Variants in RBFOX1 observed in about 807,000 individuals in gnomAD.
RBFOX1 encodes RNA binding fox-1 homolog 1.
RBFOX1 carries 8 observed loss-of-function variants against 57.7 expected under a neutral mutation model. That is an observed-to-expected ratio of 0.14 (90% CI 0.08 to 0.25). RBFOX1 has a LOEUF of 0.25. Ranked by LOEUF, RBFOX1 falls within the 10% of genes least tolerant of loss-of-function variation. The pLI, the probability that RBFOX1 is intolerant of heterozygous loss-of-function variation, is 1.00. For missense variants in RBFOX1, 611 were observed against 548.5 expected, an observed-to-expected ratio of 1.11 and a Z score of -1.14; for synonymous variants, 326 against 222.4, an observed-to-expected ratio of 1.47 and a Z score of -4.15.
chr16:6,532,597 G>A (rs529829251), intron 2 of RBFOX1, among the ~76,000 whole-genome samples: 8 of 152,214 alleles, frequency 5.3e-5, no homozygotes, highest in Admixed American at 2.0e-4. Flanking sequence ...CCTGCAGAGC[G>A]GTAGTCCAGT....
chr16:6,521,486 C>T (rs1241200632), intron 2 of RBFOX1, among the ~76,000 whole-genome samples: 1 of 146,864 alleles, frequency 6.8e-6, no homozygotes, highest in Non-Finnish European at 1.5e-5. Flanking sequence ...TTCCTCTCCC[C>T]TCTCCTCCCG....
intron 3 of RBFOX1, among the ~76,000 whole-genome samples, chr16:6,955,682 T>TATGA (rs1416577476): frequency 9.5e-6 from 1 of 105,420 alleles, no homozygotes; most frequent in Non-Finnish European, 2.3e-5. Context: ...TTTATTTAGG[T>TATGA]ATGTATGTAT....
intron 3 of RBFOX1, among the ~76,000 whole-genome samples, chr16:6,884,322 C>G (rs1184924809): frequency 1.3e-5 from 2 of 152,132 alleles, no homozygotes; most frequent in Admixed American, 6.5e-5. Flanking sequence ...CTTGCTTAAC[C>G]AGGGCTGGGG....
chr16:7,133,006 AAAAT>A (rs775963205), intron 4 of RBFOX1, among the ~76,000 whole-genome samples: 67 of 152,312 alleles, frequency 4.4e-4, no homozygotes, highest in Admixed American at 9.8e-4. Context: ...AATAAACCAG[AAAAT>A]AAATAAATAA....
rs149689998 is a variant in RBFOX1, at chr16:6,831,029, C to A, written c.-16+176379C>A. On this transcript the variant is annotated intron_variant, in intron 3 of 15. Transcript: ENST00000550418. Reference sequence around the variant, plus strand: ...CGGATTTACCATCTAAGCCTTTTCCCAATTGATCTCACTCTTTTTGCTCTA... The same window carrying A: ...CGGATTTACCATCTAAGCCTTTTCCAAATTGATCTCACTCTTTTTGCTCTA... Among the ~76,000 whole-genome samples the A allele has an allele frequency of 2.8e-3, 427 of 152,316 alleles. 2 individuals are homozygous for A. Among genetic ancestry groups the A allele is most frequent in the African/African-American group, 1.0e-2 (414 of 41,570 alleles).
chr16:6,114,793 C>CA (rs2096482230), intron 1 of RBFOX1, among the ~76,000 whole-genome samples: 1 of 152,092 alleles, frequency 6.6e-6, no homozygotes, highest in Non-Finnish European at 1.5e-5. Context: ...GCTTCACCTG[C>CA]AAAAGAATTC....
intron 4 of RBFOX1, among the ~76,000 whole-genome samples, chr16:7,467,097 A>C (rs1599140909): frequency 1.3e-5 from 2 of 152,344 alleles, no homozygotes; most frequent in East Asian, 3.9e-4. Context: ...TTAAATTGCG[A>C]TATGAAGGAT....
chr16:5,888,890 C>G (rs576606218), intron 4 of RBFOX1, among the ~76,000 whole-genome samples: 2 of 151,182 alleles, frequency 1.3e-5, no homozygotes, highest in African/African-American at 4.9e-5. Context: ...TATCTAGAAG[C>G]TGAGGATGGT....
upstream of RBFOX1, among the ~76,000 whole-genome samples, chr16:6,014,939 T>C (rs1039425932): frequency 2.6e-5 from 4 of 151,654 alleles, no homozygotes; most frequent in South Asian, 8.3e-4. Flanking sequence ...TTCTGTAGCC[T>C]CAAGCTCCCA....
At chr16:6,075,892 C>T (rs1297498040) in intron 1 of RBFOX1, among the ~76,000 whole-genome samples, 2 of 152,194 alleles carry the variant, frequency 1.3e-5, no homozygotes, top group Non-Finnish European at 2.9e-5. Flanking sequence ...TTATTGTGCA[C>T]TGTCTCATTT....
chr16:7,501,319 G>T (rs146993573), intron 4 of RBFOX1, among the ~76,000 whole-genome samples: 3 of 152,298 alleles, frequency 2.0e-5, no homozygotes, highest in African/African-American at 7.2e-5. Context: ...CTCTCTCTCT[G>T]TTCTTACCCT....
chr16:6,927,757 A>C (rs775042344), intron 3 of RBFOX1, among the ~76,000 whole-genome samples: 1 of 152,074 alleles, frequency 6.6e-6, no homozygotes, highest in Non-Finnish European at 1.5e-5. Flanking sequence ...TGGAACCTAA[A>C]ATCTCCAATC....
At position 7,294,063 on chromosome 16, in the gene RBFOX1, A is replaced by G. The variant is rs185482772; in HGVS notation, c.28-224084A>G. 1.1e-4 allele frequency among the ~76,000 whole-genome samples: 16 copies of G among 152,300 alleles called. No homozygotes were observed. In the East Asian group the frequency reaches 3.1e-3, roughly 29 times the overall value. ...CTTGCAGCCAAGCTCATGAAAGAGGAAAAAGAGAATCTTCTGCAGGCTTTG... is the reference window on the plus strand; with the variant it reads ...CTTGCAGCCAAGCTCATGAAAGAGGGAAAAGAGAATCTTCTGCAGGCTTTG... On this transcript the variant is annotated intron_variant, in intron 4 of 15. Coordinates refer to ENST00000550418, the MANE Select transcript of RBFOX1 (RefSeq NM_018723.4).
chr16:7,200,488 T>G (rs2152716144), intron 4 of RBFOX1, among the ~76,000 whole-genome samples: 1 of 152,336 alleles, frequency 6.6e-6, no homozygotes, highest in South Asian at 2.1e-4. Context: ...CAGTAGGCAC[T>G]AAGGATGATG....
At chr16:5,538,096 A>C (rs563725804) in intron 2 of RBFOX1, among the ~76,000 whole-genome samples, 4 of 152,142 alleles carry the variant, frequency 2.6e-5, no homozygotes, top group Non-Finnish European at 5.9e-5. Flanking sequence ...CAAAGGCACA[A>C]AGTTGTGGTT....
At chr16:7,084,509 T>C (rs1405330996) in intron 4 of RBFOX1, among the ~76,000 whole-genome samples, 1 of 152,152 alleles carries the variant, frequency 6.6e-6, no homozygotes, top group African/African-American at 2.4e-5. Flanking sequence ...AGGCCACTTG[T>C]GAGAAATAGT....
rs77214325 is a variant in RBFOX1 at position 7,288,563 on chromosome 16, G to C, written c.28-229584G>C. Among the ~76,000 whole-genome samples the C allele has an allele frequency of 9.4e-3, 1,432 of 152,290 alleles. 19 individuals are homozygous for C. The highest frequency in any genetic ancestry group is 0.033 in the African/African-American group (1,368 of 41,554). ...TTCTTAACTGTGCTATTACTGGCCG[G>C]AGAGCAGTGGCTCACACCTATAACC... On this transcript the variant is annotated intron_variant, in intron 4 of 15. Transcript: ENST00000550418.
chr16:5,507,544 G>A (rs912963241), intron 2 of RBFOX1, among the ~76,000 whole-genome samples: 3 of 152,162 alleles, frequency 2.0e-5, no homozygotes, highest in African/African-American at 7.2e-5. Flanking sequence ...CATCTGTTGT[G>A]GGTTGAATTG....
In RBFOX1 at chr16:5,436,580, C is replaced by T. The variant is rs530529923; in HGVS notation, c.220-30636C>T. Reference sequence around the variant, plus strand: ...TTCTGGCCAGGCATGGTGGTTCATTCGTGTAATCCTAGCAGTTTGGGAGGC... The same window carrying T: ...TTCTGGCCAGGCATGGTGGTTCATTTGTGTAATCCTAGCAGTTTGGGAGGC... On this transcript the variant is annotated intron_variant, in intron 1 of 2. Transcript: ENST00000585867. Among the ~76,000 whole-genome samples the T allele has an allele frequency of 1.1e-4, 16 of 152,258 alleles. 1 individual carries two copies. The East Asian group carries it at 3.1e-3, about 29-fold the overall frequency.
Sources: allele counts gnomAD v4.1 joint callset (sites outside exome capture counted in the v4.1 genomes callset), GRCh38; gene constraint gnomAD v4.1.1; transcripts MANE v1.5; gene names NCBI Gene and HGNC (gene_info 2026-07-23, HGNC 2026-07-21).